Variants in BOK observed in about 807,000 individuals in gnomAD.
The protein encoded by BOK is bcl-2-related ovarian killer protein.
Under a neutral mutation model 18.3 loss-of-function variants are expected in BOK, and 20 were observed. The ratio of observed to expected loss-of-function variants is 1.09; its 90% CI spans 0.77 to 1.59. The LOEUF (loss-of-function observed/expected upper bound fraction) is 1.59. Among genes scored for constraint, BOK ranks in the 40% most tolerant of loss-of-function variants. The pLI is 0.00. For missense variants in BOK, 348 were observed against 307.9 expected (o/e 1.13, Z -0.97); for synonymous variants, 173 against 142.4 (o/e 1.21, Z -1.53).
intron 3 of BOK, among the ~76,000 whole-genome samples, chr2:241,563,298 C>G (rs982085514): frequency 2.0e-5 from 3 of 152,180 alleles, no homozygotes; most frequent in African/African-American, 7.2e-5. Flanking sequence ...CCGCTTGCCC[C>G]ATGTCATCAG....
intron 2 of BOK, chr2:241,560,004 T>G (rs2066502374): frequency 1.1e-6 from 1 of 909,196 alleles, no homozygotes; most frequent in East Asian, 1.2e-4. Flanking sequence ...ACAGTGACCC[T>G]TGTTCTCAGC....
At chr2:241,554,206 T>C (rs568540218), upstream of BOK, among the ~76,000 whole-genome samples, 29 of 152,150 alleles carry the variant, frequency 1.9e-4, 1 homozygote, top group South Asian at 5.6e-3. Flanking sequence ...TGGCTCTGTA[T>C]GGCAGGGCCT....
At chr2:241,558,496 G>T (rs760099315), upstream of BOK, among the ~76,000 whole-genome samples, 1 of 152,246 alleles carries the variant, frequency 6.6e-6, no homozygotes, top group Middle Eastern at 3.2e-3. Context: ...CCAGACTCTG[G>T]AAAGAACCTC....
At chr2:241,554,693 G>A (rs1185995685), upstream of BOK, among the ~76,000 whole-genome samples, 1 of 152,242 alleles carries the variant, frequency 6.6e-6, no homozygotes, top group Non-Finnish European at 1.5e-5. Flanking sequence ...GGAGCTGTGG[G>A]CTTTATCCTG....
intron 3 of BOK, among the ~76,000 whole-genome samples, chr2:241,563,239 T>C (rs1027374413): frequency 7.2e-5 from 11 of 152,180 alleles, no homozygotes; most frequent in African/African-American, 2.7e-4. Context: ...GTGCCCGCTG[T>C]CCACTTGTCC....
At chr2:241,570,341 A>T in intron 4 of BOK, 53 bp downstream of exon 4, 1 of 1,498,928 alleles carries the variant, frequency 6.7e-7, no homozygotes, top group African/African-American at 1.5e-5. Flanking sequence ...GAGGGTGCAG[A>T]GGTACAGGAG....
Position 241,570,246 on chromosome 2 carries a change from G to T in BOK, c.471G>T (p.Val157=). 1 of 1,588,370 alleles carries T rather than the reference G, an allele frequency of 6.3e-7. No individual in the cohort carries two copies. The highest frequency in any genetic ancestry group is 1.8e-5 in the Admixed American group (1 of 55,600). ...TCGTGGACTGCCTGGGGGAGTTCGT[G>T]CGCAAGACCCTGGCAACCTGGCTGC... ...HALVDCLGEF[V]RKTLATWLRR... Residue 157 remains valine (V), a synonymous_variant, in exon 4 of 5, where the codon GTG becomes GTT. Coordinates refer to ENST00000318407, the MANE Select transcript of BOK (RefSeq NM_032515.5).
At chr2:241,560,304 G>C (rs2066507728) in intron 2 of BOK, 21 of 980,278 alleles carry the variant, frequency 2.1e-5, no homozygotes, top group Non-Finnish European at 2.5e-5. Flanking sequence ...CACTGTGACT[G>C]TCCAGTCCCC....
chr2:241,556,015 G>A (rs536695715), upstream of BOK, among the ~76,000 whole-genome samples: 1 of 152,286 alleles, frequency 6.6e-6, no homozygotes, highest in African/African-American at 2.4e-5. Context: ...AGGAACCATG[G>A]AGTTAGACCC....
intron 1 of BOK, among the ~76,000 whole-genome samples, chr2:241,552,456 C>T (rs973473613): frequency 1.1e-4 from 17 of 152,166 alleles, no homozygotes; most frequent in African/African-American, 4.1e-4. Context: ...ATACCATCCA[C>T]GCCCCTGCAC....
At chr2:241,557,140 T>C (rs1202266043), upstream of BOK, among the ~76,000 whole-genome samples, 1 of 152,260 alleles carries the variant, frequency 6.6e-6, no homozygotes, top group East Asian at 1.9e-4. Context: ...TCAGTTCTAT[T>C]AATCTCTTCA....
At chr2:241,559,835 A>G in intron 2 of BOK, 132 bp downstream of exon 2, 1 of 1,078,852 alleles carries the variant, frequency 9.3e-7, no homozygotes, top group Non-Finnish European at 1.2e-6. Flanking sequence ...CGCTCGGGAC[A>G]GGGCCACCCA....
At chr2:241,560,400 G>C (rs2066508853) in intron 2 of BOK, 1 of 665,048 alleles carries the variant, frequency 1.5e-6, no homozygotes, top group African/African-American at 2.0e-5. Context: ...GCTGAGCCCG[G>C]GAAGGGGAGG....
rs1288273312 is a variant in BOK at position 241,563,042 on chromosome 2, C to T, written c.349+566C>T. Among the ~76,000 whole-genome samples the T allele has an allele frequency of 3.3e-5, 5 of 152,270 alleles. No individual in the cohort carries two copies. The South Asian group carries it at 8.3e-4, about 25-fold the overall frequency. On this transcript the variant is annotated intron_variant, in intron 3 of 4. Transcript: ENST00000318407. ...ATGGGGGTCCAAGCAGACTGGCTCCCGGAGGGCATCCGGAGAACAGCAGCG... is the reference window on the plus strand; with the variant it reads ...ATGGGGGTCCAAGCAGACTGGCTCCTGGAGGGCATCCGGAGAACAGCAGCG...
chr2:241,559,571 C>G lies in BOK; in HGVS notation c.88C>G (p.Gln30Glu). The stretch of plus-strand genomic sequence containing the variant: ...GCCCACAGACAAGGAGCTGGTGGCC[C>G]AGGCCAAGGCGCTGGGCCGGGAGTA... ...RSPTDKELVA[Q>E]AKALGREYVH... Residue 30 changes from glutamine (Q) to glutamate (E), a missense_variant, in exon 2 of 5, where the codon CAG becomes GAG. Physicochemically the swap from Gln to Glu is conservative, Grantham distance 29. Transcript: ENST00000318407. The G allele has an allele frequency of 6.6e-7, 1 of 1,525,570 alleles. No individual in the cohort carries two copies. Among genetic ancestry groups the G allele is most frequent in the Non-Finnish European group, 8.7e-7 (1 of 1,145,730 alleles). The allele number at this position is 1,525,570 out of a possible 1,614,324, so 94.5% of individuals were successfully genotyped here.
At chr2:241,564,535 G>C (rs1402417913) in intron 3 of BOK, among the ~76,000 whole-genome samples, 1 of 152,082 alleles carries the variant, frequency 6.6e-6, no homozygotes, top group African/African-American at 2.4e-5. Flanking sequence ...TATGGGTAGG[G>C]GCTGGGGAGT....
chr2:241,556,573 C>A, upstream of BOK, among the ~76,000 whole-genome samples: 2 of 125,410 alleles, frequency 1.6e-5, no homozygotes, highest in Non-Finnish European at 3.2e-5. Flanking sequence ...CAGAGCGAGA[C>A]TCCGTCTCAA....
intron 3 of BOK, among the ~76,000 whole-genome samples, chr2:241,567,490 G>T (rs1042614432): frequency 1.5e-5 from 2 of 135,326 alleles, no homozygotes; most frequent in African/African-American, 5.8e-5. Flanking sequence ...GCCACACGCA[G>T]TGCTGACATC....
Position 241,573,877 on chromosome 2 carries a change from G to A in BOK, c.*1455G>A, listed in dbSNP as rs1032499798. On this transcript the variant is annotated 3_prime_UTR_variant, in exon 5 of 5. Transcript: ENST00000318407. ...TGTGAGGCATCTTTCCTGGAGCCCC[G>A]AGCCAGCCCTGTCCCTCCCCAGTGC... is the stretch of plus-strand genomic sequence containing the variant. 3.9e-5 allele frequency: 6 copies of A among 152,240 alleles called. No individual in the cohort carries two copies. The highest frequency in any genetic ancestry group is 4.1e-4 in the South Asian group (2 of 4,828). 9.4% of individuals were successfully genotyped at this position (152,240 alleles called of 1,614,324 possible).
Sources: gnomAD v4.1 joint callset for allele counts (sites outside exome capture counted in the v4.1 genomes callset) on GRCh38, gnomAD v4.1.1 for gene constraint, MANE v1.5 for transcripts, NCBI Gene and HGNC (gene_info 2026-07-23, HGNC 2026-07-21) for gene names.